The following CCDC3 variants were observed in gnomAD, a reference collection of about 807,000 sequenced individuals.
CCDC3 encodes the protein coiled-coil domain containing 3.
A neutral mutation model predicts 21.4 loss-of-function variants in CCDC3; 24 were observed. That is an observed-to-expected ratio of 1.12 (90% confidence interval 0.81 to 1.58). CCDC3 has a LOEUF of 1.58. Among genes scored for constraint, CCDC3 ranks in the 40% most tolerant of loss-of-function variants. CCDC3 has a pLI of 0.00. For synonymous variants in CCDC3, 186 were observed against 166.0 expected (o/e 1.12, Z -0.93); for missense variants, 425 against 360.9 (o/e 1.18, Z -1.44).
intron 2 of CCDC3, among the ~76,000 whole-genome samples, chr10:12,927,966 T>A (rs185772879): frequency 3.9e-4 from 60 of 152,354 alleles, no homozygotes; most frequent in Non-Finnish European, 6.2e-4. Context: ...GGGTAACAGA[T>A]GAACATTGCC....
chr10:13,053,680 A>G (rs144692468), intron 4 of CCDC3, among the ~76,000 whole-genome samples: 1 of 152,318 alleles, frequency 6.6e-6, no homozygotes, highest in East Asian at 1.9e-4. Context: ...TGGAGGGCAC[A>G]TTTGTTTCAT....
chr10:12,958,747 A>T (rs2580888), intron 2 of CCDC3, among the ~76,000 whole-genome samples: 1 of 152,084 alleles, frequency 6.6e-6, no homozygotes, highest in Non-Finnish European at 1.5e-5. Flanking sequence ...CTGCTGCCCC[A>T]AGCTGACATC....
chr10:13,047,631 T>C (rs565540183), intron 5 of CCDC3, among the ~76,000 whole-genome samples: 2 of 152,246 alleles, frequency 1.3e-5, no homozygotes, highest in South Asian at 4.2e-4. Context: ...ATAAAGAGAC[T>C]TCAGTAATCT....
At chr10:12,977,050 G>T (rs1835428054) in intron 2 of CCDC3, among the ~76,000 whole-genome samples, 1 of 152,208 alleles carries the variant, frequency 6.6e-6, no homozygotes, top group South Asian at 2.1e-4. Context: ...AAGGTGGGCA[G>T]ATCACTTGAG....
chr10:12,918,882 T>A (rs1442106959), intron 2 of CCDC3, among the ~76,000 whole-genome samples: 1 of 151,824 alleles, frequency 6.6e-6, no homozygotes, highest in African/African-American at 2.4e-5. Context: ...TGAAACCCCA[T>A]CTCTACTAAA....
intron 2 of CCDC3, among the ~76,000 whole-genome samples, chr10:12,917,376 T>G (rs1205192700): frequency 6.6e-6 from 1 of 151,850 alleles, no homozygotes; most frequent in Non-Finnish European, 1.5e-5. Context: ...TTTTGTATTT[T>G]TAGTAGAGAC....
intron 2 of CCDC3, among the ~76,000 whole-genome samples, chr10:12,899,281 AC>A (rs564926354): frequency 2.4e-4 from 37 of 152,328 alleles, no homozygotes; most frequent in Admixed American, 1.9e-3. Flanking sequence ...CATAAAAAAA[AC>A]AAATGAAAGC....
At chr10:13,040,381 A>ATCACG (rs1172721431) in intron 5 of CCDC3, among the ~76,000 whole-genome samples, 12 of 152,190 alleles carry the variant, frequency 7.9e-5, no homozygotes, top group Non-Finnish European at 1.2e-4. Context: ...GTGGAGGTTG[A>ATCACG]ACAACCAGCA....
At chr10:13,043,493 T>C (rs536930550) in intron 5 of CCDC3, among the ~76,000 whole-genome samples, 7 of 152,196 alleles carry the variant, frequency 4.6e-5, no homozygotes, top group Admixed American at 4.6e-4. Flanking sequence ...CTCGAGAGGC[T>C]GAGGCAGGAG....
intron 2 of CCDC3, among the ~76,000 whole-genome samples, chr10:12,997,569 T>C (rs10906277): frequency 0.72 from 109,407 of 152,132 alleles, 41,489 homozygotes; most frequent in Middle Eastern, 0.83. Flanking sequence ...TGCACCTCTA[T>C]GTCTTACCAA....
intron 5 of CCDC3, among the ~76,000 whole-genome samples, chr10:13,022,503 G>C (rs1290931599): frequency 6.6e-6 from 1 of 152,180 alleles, no homozygotes; most frequent in Non-Finnish European, 1.5e-5. Flanking sequence ...TATAAATGCA[G>C]TGGTATTAGG....
At chr10:13,096,188 TC>T in intron 3 of CCDC3, among the ~76,000 whole-genome samples, 1 of 80,862 alleles carries the variant, frequency 1.2e-5, no homozygotes, top group Non-Finnish European at 3.1e-5. Context: ...TCTCTCTCTC[TC>T]TCTCTTTCTT....
chr10:13,046,046 G>A (rs1316871330), intron 5 of CCDC3, among the ~76,000 whole-genome samples: 5 of 152,136 alleles, frequency 3.3e-5, no homozygotes, highest in South Asian at 2.1e-4. Flanking sequence ...AGCTGAGATC[G>A]TGCCACTGGA....
At chr10:12,946,269 G>C (rs993390712) in intron 2 of CCDC3, among the ~76,000 whole-genome samples, 1 of 152,170 alleles carries the variant, frequency 6.6e-6, no homozygotes, top group African/African-American at 2.4e-5. Context: ...AGTGTCTAAG[G>C]CTGCGTCAAT....
chr10:12,952,256 G>C (rs1835019200), intron 2 of CCDC3, among the ~76,000 whole-genome samples: 1 of 152,288 alleles, frequency 6.6e-6, no homozygotes, highest in East Asian at 1.9e-4. Flanking sequence ...CAGTTCTTAG[G>C]ATAGTTCCTG....
intron 2 of CCDC3, among the ~76,000 whole-genome samples, chr10:12,963,961 G>A (rs572642113): frequency 7.2e-5 from 11 of 152,142 alleles, no homozygotes; most frequent in Non-Finnish European, 1.2e-4. Flanking sequence ...GAGGCGAGTC[G>A]TTATTGGTCT....
chr10:13,058,701 G>T (rs564865576), intron 4 of CCDC3: 1 of 390,648 alleles, frequency 2.6e-6, no homozygotes, highest in South Asian at 4.3e-5. Context: ...ACCTGCATCT[G>T]TGGCTCGACA....
At position 12,943,313 on chromosome 10, in the gene CCDC3, C is replaced by CA. The variant is rs150139036; in HGVS notation, c.550-44635dup. On this transcript the variant is annotated intron_variant, in intron 2 of 2. Transcript: ENST00000378825. ...GACTACATGGAACCCCCATCTTGGC[C>CA]AAGGGAACCCCGAAGAAATGTGAAA... 8.5e-3 allele frequency among the ~76,000 whole-genome samples: 1,288 copies of CA among 152,188 alleles called. 17 individuals are homozygous for CA. Among genetic ancestry groups the CA allele is most frequent in the African/African-American group, 0.03 (1,232 of 41,498 alleles).
chr10:13,025,952 C>A (rs1040005973), intron 5 of CCDC3, among the ~76,000 whole-genome samples: 4 of 151,996 alleles, frequency 2.6e-5, no homozygotes, highest in African/African-American at 9.7e-5. Flanking sequence ...AGCCTGAGGT[C>A]GGAGGATCAC....
Sources: allele counts gnomAD v4.1 joint callset (sites outside exome capture counted in the v4.1 genomes callset), GRCh38; gene constraint gnomAD v4.1.1; transcripts MANE v1.5; gene names NCBI Gene and HGNC (gene_info 2026-07-23, HGNC 2026-07-21).